Variants in MBD5 observed in about 807,000 individuals in gnomAD.
The protein encoded by MBD5 is methyl-CpG-binding domain protein 5.
A neutral mutation model predicts 117.3 loss-of-function variants in MBD5; 13 were observed. That is an observed-to-expected ratio of 0.11 (90% confidence interval 0.07 to 0.18). MBD5 has a LOEUF of 0.18. Among genes scored for constraint, MBD5 ranks in the 10% least tolerant of loss-of-function variants. MBD5 has a pLI of 1.00. For missense variants in MBD5, 1,879 were observed against 2,093.8 expected (o/e 0.90, Z 2.00); for synonymous variants, 727 against 766.4 (o/e 0.95, Z 0.85).
At chr2:148,072,969 A>T (rs147326801) in intron 1 of MBD5, among the ~76,000 whole-genome samples, 1 of 152,168 alleles carries the variant, frequency 6.6e-6, no homozygotes, top group Non-Finnish European at 1.5e-5. Flanking sequence ...TTAACAAAAA[A>T]TGATATAGGA....
chr2:148,390,204 G>T (rs1180358988), intron 4 of MBD5, among the ~76,000 whole-genome samples: 1 of 151,846 alleles, frequency 6.6e-6, no homozygotes, highest in Non-Finnish European at 1.5e-5. Context: ...TATTTTTGTT[G>T]TCTTTGTCTA....
intron 3 of MBD5, among the ~76,000 whole-genome samples, chr2:148,270,393 A>ATT (rs11439214): frequency 0.12 from 17,479 of 141,714 alleles, 1,239 homozygotes; most frequent in Admixed American, 0.16. Flanking sequence ...CTTCCTTTCT[A>ATT]TTTTTTTTTT....
chr2:148,451,113 G>A (rs1049636457), intron 4 of MBD5, among the ~76,000 whole-genome samples: 11 of 152,154 alleles, frequency 7.2e-5, no homozygotes, highest in Non-Finnish European at 1.5e-4. Context: ...CTAATGAGTG[G>A]CAGGGGCAGG....
chr2:148,407,072 T>C (rs1176319356), intron 4 of MBD5, among the ~76,000 whole-genome samples: 1 of 152,172 alleles, frequency 6.6e-6, no homozygotes, highest in Non-Finnish European at 1.5e-5. Context: ...TAGCATTATG[T>C]CTGATACATA....
At chr2:148,264,652 G>T (rs1480010995) in intron 3 of MBD5, 1 of 152,264 alleles carries the variant, frequency 6.6e-6, no homozygotes, top group East Asian at 1.9e-4. Context: ...GAATCTATAG[G>T]GGTGCTGGAG....
At chr2:148,510,372 C>T (rs1387469748) in intron 13 of MBD5, among the ~76,000 whole-genome samples, 1 of 152,194 alleles carries the variant, frequency 6.6e-6, no homozygotes. Context: ...ACATAACGTT[C>T]GTTTAAAATA....
chr2:148,040,937 C>G (rs1271669244), intron 1 of MBD5, among the ~76,000 whole-genome samples: 1 of 152,012 alleles, frequency 6.6e-6, no homozygotes, highest in African/African-American at 2.4e-5. Flanking sequence ...ATGTTATCTA[C>G]CAGTGATATG....
rs1694824858 is a variant in MBD5 at position 148,055,266 on chromosome 2, CTGTT to C, written c.-925+33584_-925+33587del. 1.3e-5 allele frequency: 2 copies of C among 151,906 alleles called. 1 individual carries two copies. The highest frequency in any genetic ancestry group is 4.1e-4 in the South Asian group (2 of 4,822). The allele number at this position is 151,906 out of a possible 1,614,324, so 9.4% of individuals were successfully genotyped here. A position where few individuals can be genotyped will look rare whatever the true frequency, so the allele number is the denominator to read the frequency against. ...AAGGTCTCCTAGAATTCTTTTTTGT[CTGTT>C]TAAGTTTTAAAGCTTTATCTTTCAC... On this transcript the variant is annotated intron_variant, in intron 1 of 13. Coordinates refer to ENST00000642680, the MANE Select transcript of MBD5 (RefSeq NM_001378120.1).
At chr2:148,424,844 A>C (rs1243349253) in intron 4 of MBD5, among the ~76,000 whole-genome samples, 1 of 152,228 alleles carries the variant, frequency 6.6e-6, no homozygotes, top group African/African-American at 2.4e-5. Context: ...AATGGGAACA[A>C]AGACACAATG....
intron 1 of MBD5, among the ~76,000 whole-genome samples, chr2:148,140,272 C>A (rs1697281945): frequency 6.6e-6 from 1 of 151,946 alleles, no homozygotes; most frequent in South Asian, 2.1e-4. Flanking sequence ...GAATTTTAGA[C>A]AAATAATGCA....
intron 3 of MBD5, among the ~76,000 whole-genome samples, chr2:148,259,455 T>C (rs2106289083): frequency 6.6e-6 from 1 of 152,274 alleles, no homozygotes; most frequent in African/African-American, 2.4e-5. Context: ...CCACCGTGTA[T>C]CACAACCCAT....
chr2:148,205,516 G>A (rs7565636), intron 2 of MBD5, among the ~76,000 whole-genome samples: 145,120 of 152,278 alleles, frequency 0.95, 69,551 homozygotes, highest in East Asian at 1. Context: ...AAGAAAAAGG[G>A]CAGAGTAATA....
rs1224004336 is a variant in MBD5 at position 148,057,425 on chromosome 2, G to A, written c.-925+35741G>A. On this transcript the variant is annotated intron_variant, in intron 1 of 13. Coordinates refer to ENST00000642680, the MANE Select transcript of MBD5 (RefSeq NM_001378120.1). Reference sequence around the variant, plus strand: ...TTATATAAGGTTTTTGTTTTTTTTAGTAAGTGTCTTCTAATTTCTATTGTG... The same window carrying A: ...TTATATAAGGTTTTTGTTTTTTTTAATAAGTGTCTTCTAATTTCTATTGTG... Among the ~76,000 whole-genome samples, 5 of 150,976 alleles carry A rather than the reference G, an allele frequency of 3.3e-5. No individual in the cohort carries two copies. In the South Asian group the frequency reaches 8.4e-4, roughly 25 times the overall value.
chr2:148,508,849 T>C (rs1430075454), intron 12 of MBD5, among the ~76,000 whole-genome samples: 2 of 152,200 alleles, frequency 1.3e-5, no homozygotes, highest in Non-Finnish European at 2.9e-5. Context: ...AGAGCATCTA[T>C]GGTATGTCTA....
intron 1 of MBD5, among the ~76,000 whole-genome samples, chr2:148,060,291 C>T: frequency 6.6e-6 from 1 of 151,328 alleles, no homozygotes; most frequent in South Asian, 2.1e-4. Context: ...GCCTGGATGA[C>T]AGAGTGAGAC....
At chr2:148,069,161 G>A (rs1695287899) in intron 1 of MBD5, among the ~76,000 whole-genome samples, 1 of 152,124 alleles carries the variant, frequency 6.6e-6, no homozygotes, top group South Asian at 2.1e-4. Context: ...AGCATGTTTT[G>A]CATTCCAAAC....
chr2:148,448,933 T>A (rs1559076497), intron 4 of MBD5, among the ~76,000 whole-genome samples: 2 of 152,094 alleles, frequency 1.3e-5, no homozygotes, highest in South Asian at 4.1e-4. Context: ...AAGTTTTTTT[T>A]AATCAGTATT....
At chr2:148,117,149 C>A (rs75973995) in intron 1 of MBD5, among the ~76,000 whole-genome samples, 1,915 of 151,908 alleles carry the variant, frequency 0.013, 47 homozygotes, top group African/African-American at 0.043. Context: ...TACCATTTTT[C>A]TCAGTGTTTT....
chr2:148,373,047 G>A (rs1240873883), intron 4 of MBD5, among the ~76,000 whole-genome samples: 1 of 152,050 alleles, frequency 6.6e-6, no homozygotes, highest in African/African-American at 2.4e-5. Context: ...TTTAGCTGTG[G>A]ATAGTCTTTA....
Sources: gnomAD v4.1 joint callset for allele counts (sites outside exome capture counted in the v4.1 genomes callset) on GRCh38, gnomAD v4.1.1 for gene constraint, MANE v1.5 for transcripts, NCBI Gene and HGNC (gene_info 2026-07-23, HGNC 2026-07-21) for gene names.